Variants in COX10 observed in about 807,000 individuals in gnomAD.
COX10 encodes cytochrome c oxidase assembly factor heme A:farnesyltransferase COX10, also known as protoheme IX farnesyltransferase, mitochondrial.
COX10 carries 27 observed loss-of-function variants against 37.3 expected under a neutral mutation model. The ratio of observed to expected loss-of-function variants is 0.72; its 90% CI spans 0.53 to 1.00. The LOEUF (loss-of-function observed/expected upper bound fraction) is 1.00, where lower values mean the gene tolerates loss of function less well. COX10 is among the 50% of genes least tolerant of loss of function. The probability of loss-of-function intolerance (pLI) is 0.00; values close to 1 mark genes in which losing one functional copy is unlikely to be tolerated. For missense variants in COX10, 475 were observed against 563.2 expected (o/e 0.84, Z 1.59); for synonymous variants, 222 against 229.1 (o/e 0.97, Z 0.28).
chr17:14,082,596 A>G (rs1444907583), intron 3 of COX10, among the ~76,000 whole-genome samples: 1 of 150,874 alleles, frequency 6.6e-6, no homozygotes, highest in Non-Finnish European at 1.5e-5. Flanking sequence ...TTCTCCCTTT[A>G]TGTAGCTTAT....
intron 4 of COX10, among the ~76,000 whole-genome samples, chr17:14,137,950 G>GTTTTTTTTTTTTTTTTTTTT (rs55924353): frequency 7.4e-6 from 1 of 134,416 alleles, no homozygotes; most frequent in Non-Finnish European, 1.6e-5. Flanking sequence ...ACACAATTCA[G>GTTTTTTTTTTTTTTTTTTTT]TTTTTTTTTT....
intron 6 of COX10, among the ~76,000 whole-genome samples, chr17:14,192,610 T>C (rs1357188249): frequency 6.6e-6 from 1 of 152,208 alleles, no homozygotes; most frequent in African/African-American, 2.4e-5. Context: ...CAAAGGGGTT[T>C]CGTCTCACGA....
At chr17:14,131,797 G>T in intron 4 of COX10, among the ~76,000 whole-genome samples, 1 of 151,960 alleles carries the variant, frequency 6.6e-6, no homozygotes, top group South Asian at 2.1e-4. Context: ...AAGAAAGAAC[G>T]TTGGGGTACT....
At chr17:14,102,627 A>G (rs746258807) in intron 4 of COX10, among the ~76,000 whole-genome samples, 3 of 152,174 alleles carry the variant, frequency 2.0e-5, no homozygotes, top group African/African-American at 4.8e-5. Flanking sequence ...AACCACTGCT[A>G]TAAAGAACAG....
chr17:14,156,919 G>A (rs936151876), intron 4 of COX10, among the ~76,000 whole-genome samples: 3 of 152,132 alleles, frequency 2.0e-5, no homozygotes, highest in African/African-American at 7.2e-5. Context: ...AACATTTTCC[G>A]CAGAGTCAGA....
At chr17:14,069,709 G>C in intron 1 of COX10, 61 bp downstream of exon 1, 1 of 1,607,350 alleles carries the variant, frequency 6.2e-7, no homozygotes, top group Non-Finnish European at 8.5e-7. Context: ...CCACGTGCGA[G>C]GCCGTGGTTC....
rs190907984 is a variant in COX10 at position 14,088,976 on chromosome 17, G to A, written c.499+11920G>A. Among the ~76,000 whole-genome samples the A allele has an allele frequency of 2.0e-3, 299 of 152,290 alleles. 2 individuals are homozygous for A. The highest frequency in any genetic ancestry group is 3.6e-3 in the Non-Finnish European group (242 of 68,012). On this transcript the variant is annotated intron_variant, in intron 3 of 6. Coordinates refer to ENST00000261643, the MANE Select transcript of COX10 (RefSeq NM_001303.4). ...AATTTGGGAGGGAAAGTTCTTGATA[G>A]GAATTTATTATGTCTCATTGGCCAG...
chr17:14,179,209 A>T, intron 5 of COX10: 19 of 981,530 alleles, frequency 1.9e-5, no homozygotes, highest in Non-Finnish European at 2.3e-5. Context: ...TTCAGAGAAG[A>T]CAGAGAGATG....
intron 3 of COX10, among the ~76,000 whole-genome samples, chr17:14,088,300 G>A (rs890966926): frequency 2.0e-5 from 3 of 152,112 alleles, no homozygotes; most frequent in Admixed American, 6.6e-5. Context: ...AACGCTTCTT[G>A]AGGTTTTTAG....
At chr17:14,156,866 G>A (rs2323097) in intron 4 of COX10, among the ~76,000 whole-genome samples, 88,198 of 151,988 alleles carry the variant, frequency 0.58, 26,008 homozygotes, top group East Asian at 0.63. Flanking sequence ...ATAATTAACC[G>A]GGTTCTCTTG....
rs868096642 is a variant in COX10, at chr17:14,175,088, G to C, written c.695+15141G>C. On this transcript the variant is annotated intron_variant, in intron 5 of 6. Transcript: ENST00000261643. ...CAGTGGTTACTGGGAAATAGCGGGG[G>C]GGGGGGGGGTGGATAGGAGGGAATT... 7.7e-5 allele frequency among the ~76,000 whole-genome samples: 6 copies of C among 77,940 alleles called. 1 individual carries two copies. In the Middle Eastern group the frequency reaches 0.024, roughly 306 times the overall value. The allele number at this position is 77,940 out of a possible 152,430, so 51.1% of individuals were successfully genotyped here. A position where few individuals can be genotyped will look rare whatever the true frequency, so the allele number is the denominator to read the frequency against.
intron 3 of COX10, among the ~76,000 whole-genome samples, chr17:14,088,892 A>G (rs1362284205): frequency 1.3e-5 from 2 of 152,150 alleles, no homozygotes; most frequent in African/African-American, 4.8e-5. Context: ...CTGGGCAGAA[A>G]GAAGAAATGA....
intron 4 of COX10, 26 bp from the exon 5 acceptor site, chr17:14,159,851 T>C (rs1905135603): frequency 6.4e-7 from 1 of 1,561,144 alleles, no homozygotes; most frequent in African/African-American, 1.4e-5. Flanking sequence ...GTTAATGTTT[T>C]CTGTCTTTTT....
chr17:14,072,375 C>G lies in COX10; in HGVS notation c.44-1948C>G, dbSNP rs573704397. On this transcript the variant is annotated intron_variant, in intron 1 of 6. Coordinates refer to ENST00000261643, the MANE Select transcript of COX10 (RefSeq NM_001303.4). ...AGCTGGGATTACAGACGCCCACCAC[C>G]ACGGCCGGCTAAGTTTTGTATTTTT... Among the ~76,000 whole-genome samples, 6 of 152,222 alleles carry G rather than the reference C, an allele frequency of 3.9e-5. No individual in the cohort carries two copies. The East Asian group carries it at 9.7e-4, about 25-fold the overall frequency.
At chr17:14,189,803 CAG>C (rs1270497107) in intron 5 of COX10, among the ~76,000 whole-genome samples, 4 of 152,132 alleles carry the variant, frequency 2.6e-5, no homozygotes, top group Non-Finnish European at 5.9e-5. Context: ...AAATAGGAAA[CAG>C]AGGGATGGAA....
chr17:14,140,977 G>T (rs1176125301), intron 4 of COX10, among the ~76,000 whole-genome samples: 3 of 151,808 alleles, frequency 2.0e-5, no homozygotes, highest in Non-Finnish European at 4.4e-5. Context: ...AATTATATTG[G>T]TACAAACTAG....
chr17:14,132,422 C>T (rs954309486), intron 4 of COX10, among the ~76,000 whole-genome samples: 5 of 151,842 alleles, frequency 3.3e-5, no homozygotes, highest in African/African-American at 1.2e-4. Flanking sequence ...AGGTATGATC[C>T]TTGTATTACT....
At chr17:14,122,506 A>G (rs536667964) in intron 4 of COX10, among the ~76,000 whole-genome samples, 25 of 152,256 alleles carry the variant, frequency 1.6e-4, no homozygotes, top group African/African-American at 6.0e-4. Context: ...ATACAATCAT[A>G]TATGATTCTG....
intron 3 of COX10, among the ~76,000 whole-genome samples, chr17:14,080,219 CTTTTTTTTTTTTTT>C (rs71147840): frequency 9.7e-6 from 1 of 102,708 alleles, no homozygotes; most frequent in Non-Finnish European, 1.9e-5. Flanking sequence ...ATTAGACTTT[CTTTTTTTTTTTTTT>C]TTTTTTTTGA....
Sources: gnomAD v4.1 joint callset for allele counts (sites outside exome capture counted in the v4.1 genomes callset) on GRCh38, gnomAD v4.1.1 for gene constraint, MANE v1.5 for transcripts, NCBI Gene and HGNC (gene_info 2026-07-23, HGNC 2026-07-21) for gene names.